ARHGAP22: variants seen among roughly 807,000 people sequenced by gnomAD.
ARHGAP22 encodes Rho GTPase activating protein 22, also known as rho GTPase-activating protein 22.
Under a neutral mutation model 59.1 loss-of-function variants are expected in ARHGAP22, and 48 were observed. The ratio of observed to expected loss-of-function variants is 0.81; its 90% confidence interval spans 0.64 to 1.03. The LOEUF is 1.03. Ranked by LOEUF, ARHGAP22 falls within the 50% of genes least tolerant of loss-of-function variation. The probability of loss-of-function intolerance (pLI) is 0.00; values close to 1 mark genes in which losing one functional copy is unlikely to be tolerated. For synonymous variants in ARHGAP22, 445 were observed against 416.4 expected, an observed-to-expected ratio of 1.07 and a Z score of -0.84; for missense variants, 1,015 against 958.7, an observed-to-expected ratio of 1.06 and a Z score of -0.78.
intron 1 of ARHGAP22, among the ~76,000 whole-genome samples, chr10:48,617,370 G>A (rs1181616586): frequency 4.6e-5 from 7 of 151,888 alleles, no homozygotes; most frequent in Non-Finnish European, 7.4e-5. Context: ...AAACATTTAC[G>A]GTACACTTCA....
chr10:48,455,023 C>A lies in ARHGAP22; in HGVS notation c.771G>T (p.Leu257=). 6.2e-7 allele frequency: 1 copy of A among 1,606,358 alleles called. No homozygotes were observed. The highest frequency in any genetic ancestry group is 8.5e-7 in the Non-Finnish European group (1 of 1,175,064). Residue 257 remains leucine, a synonymous_variant, in exon 6 of 10, where the codon CTG becomes CTT. Coordinates refer to ENST00000249601, the MANE Select transcript of ARHGAP22 (RefSeq NM_021226.4). ...RYEDFLSCAQ[L]LTKDEGEGTL... is the part of the protein sequence containing the mutation. The stretch of plus-strand genomic sequence containing the variant: ...TGACCTCCCCCTCGTCCTTGGTGAG[C>A]AGCTGGGCGCAGCTGAGGAAGTCCT...
chr10:48,600,112 T>C (rs1291612598), intron 1 of ARHGAP22, among the ~76,000 whole-genome samples: 2 of 152,196 alleles, frequency 1.3e-5, no homozygotes, highest in Non-Finnish European at 2.9e-5. Context: ...ACAGAGTTGG[T>C]GTAAAGATTA....
the ARHGAP22 span, chr10:48,436,349 T>G: frequency 1.3e-5 from 2 of 152,236 alleles, no homozygotes; most frequent in African/African-American, 4.8e-5. Context: ...CAAGTGTATG[T>G]TAACTGTTTA....
At chr10:48,498,072 C>T (rs776766027) in intron 3 of ARHGAP22, among the ~76,000 whole-genome samples, 15 of 152,154 alleles carry the variant, frequency 9.9e-5, no homozygotes, top group African/African-American at 3.1e-4. Context: ...TGCCTCGGGC[C>T]GGTCCCCAAC....
At chr10:48,654,637 C>T (rs913358200), upstream of ARHGAP22, among the ~76,000 whole-genome samples, 10 of 151,824 alleles carry the variant, frequency 6.6e-5, no homozygotes, top group Non-Finnish European at 1.2e-4. Context: ...TGAGGTTGCC[C>T]TAAGGATAAG....
chr10:48,534,241 C>T (rs140286895), intron 3 of ARHGAP22, among the ~76,000 whole-genome samples: 6 of 152,342 alleles, frequency 3.9e-5, no homozygotes, highest in African/African-American at 1.4e-4. Flanking sequence ...GGGAGAAATT[C>T]CTGGGCCACA....
chr10:48,454,468 C>A (rs1180668042), intron 6 of ARHGAP22, among the ~76,000 whole-genome samples: 1 of 152,186 alleles, frequency 6.6e-6, no homozygotes, highest in Non-Finnish European at 1.5e-5. Flanking sequence ...AGATAGTGAG[C>A]CCTCATCTCC....
At chr10:48,605,934 T>C (rs2060654350), upstream of ARHGAP22, among the ~76,000 whole-genome samples, 1 of 152,188 alleles carries the variant, frequency 6.6e-6, no homozygotes, top group Admixed American at 6.5e-5. Flanking sequence ...TGCTGCTCTG[T>C]GATGCCAGCC....
chr10:48,500,890 CAA>C (rs60056604), intron 3 of ARHGAP22, among the ~76,000 whole-genome samples: 19,539 of 86,320 alleles, frequency 0.23, 1,749 homozygotes, highest in East Asian at 0.62. Context: ...GACTCCGCCT[CAA>C]AAAAAAAAAA....
intron 1 of ARHGAP22, among the ~76,000 whole-genome samples, chr10:48,633,570 T>C (rs1035886039): frequency 6.6e-6 from 1 of 152,206 alleles, no homozygotes; most frequent in Non-Finnish European, 1.5e-5. Flanking sequence ...TGGTCTCACT[T>C]TTACAATGAG....
intron 5 of ARHGAP22, among the ~76,000 whole-genome samples, chr10:48,459,375 C>T (rs576040653): frequency 2.0e-5 from 3 of 152,296 alleles, no homozygotes; most frequent in East Asian, 1.9e-4. Flanking sequence ...GATGCAGCTG[C>T]GCCTGGTCAG....
At chr10:48,626,270 T>A (rs972045177) in intron 1 of ARHGAP22, among the ~76,000 whole-genome samples, 2 of 152,216 alleles carry the variant, frequency 1.3e-5, no homozygotes, top group Non-Finnish European at 2.9e-5. Context: ...GAGCCCGGCA[T>A]GGAAACTGGA....
At chr10:48,639,369 T>G (rs1417693409) in intron 1 of ARHGAP22, among the ~76,000 whole-genome samples, 1 of 152,206 alleles carries the variant, frequency 6.6e-6, no homozygotes, top group African/African-American at 2.4e-5. Flanking sequence ...CACACATTCT[T>G]GCCAACTCTA....
rs1413081190 is a variant in ARHGAP22, at chr10:48,525,864, CTT to C, written c.322+29597_322+29598del. On this transcript the variant is annotated intron_variant, in intron 3 of 9. Coordinates refer to ENST00000249601, the MANE Select transcript of ARHGAP22 (RefSeq NM_021226.4). ...ATGGAGTAAAGTGGGTGTCAAGAGA[CTT>C]TGGCTTTTTTATAATGGCCTCATTC... is the stretch of plus-strand genomic sequence containing the variant. Among the ~76,000 whole-genome samples, 6 of 152,274 alleles carry C rather than the reference CTT, an allele frequency of 3.9e-5. No homozygotes were observed. The South Asian group carries it at 1.0e-3, about 26-fold the overall frequency.
intron 5 of ARHGAP22, among the ~76,000 whole-genome samples, chr10:48,459,342 C>G (rs184713121): frequency 3.5e-3 from 229 of 65,580 alleles, no homozygotes; most frequent in Middle Eastern, 0.011. Flanking sequence ...AAGAGACAGA[C>G]CCCGCAGAAG....
At chr10:48,564,836 G>A (rs1590214839) in intron 2 of ARHGAP22, among the ~76,000 whole-genome samples, 1 of 152,352 alleles carries the variant, frequency 6.6e-6, no homozygotes, top group African/African-American at 2.4e-5. Context: ...CCTCTGATCA[G>A]GGTCTGCACA....
At chr10:48,627,994 C>T (rs375992775) in intron 1 of ARHGAP22, among the ~76,000 whole-genome samples, 53 of 152,336 alleles carry the variant, frequency 3.5e-4, no homozygotes, top group South Asian at 1.7e-3. Context: ...CCAAGTAAAA[C>T]GTATTAACAC....
chr10:48,596,621 C>T (rs367793725), intron 1 of ARHGAP22, among the ~76,000 whole-genome samples: 8 of 152,188 alleles, frequency 5.3e-5, no homozygotes, highest in African/African-American at 1.9e-4. Context: ...TCATAGGACC[C>T]ACATTCCTGT....
chr10:48,645,161 T>C (rs918765472), intron 1 of ARHGAP22, among the ~76,000 whole-genome samples: 1 of 152,092 alleles, frequency 6.6e-6, no homozygotes, highest in Non-Finnish European at 1.5e-5. Flanking sequence ...ATCATACATA[T>C]ACATGCACGT....
Sources: allele counts gnomAD v4.1 joint callset (sites outside exome capture counted in the v4.1 genomes callset), GRCh38; gene constraint gnomAD v4.1.1; transcripts MANE v1.5; gene names NCBI Gene and HGNC (gene_info 2026-07-23, HGNC 2026-07-21).